Variants in PRIMPOL observed in about 807,000 individuals in gnomAD.
PRIMPOL encodes the protein DNA-directed primase/polymerase protein.
Under a neutral mutation model 63.6 loss-of-function variants are expected in PRIMPOL, and 54 were observed. The ratio of observed to expected loss-of-function variants is 0.85; its 90% CI spans 0.68 to 1.07. PRIMPOL has a LOEUF of 1.07. Among genes scored for constraint, PRIMPOL ranks in the 50% least tolerant of loss-of-function variants. The pLI is 0.00. For synonymous variants in PRIMPOL, 197 were observed against 220.2 expected (o/e 0.89, Z 0.93); for missense variants, 610 against 648.3 (o/e 0.94, Z 0.64).
At chr4:184,694,210 C>T in intron 13 of PRIMPOL, 4 of 1,069,972 alleles carry the variant, frequency 3.7e-6, no homozygotes, top group Non-Finnish European at 4.5e-6. Context: ...TTGTCTTCAG[C>T]TGGACTGTCC....
intron 8 of PRIMPOL, among the ~76,000 whole-genome samples, chr4:184,681,541 A>G (rs1755620736): frequency 6.6e-6 from 1 of 151,788 alleles, no homozygotes; most frequent in African/African-American, 2.4e-5. Context: ...TATTATTTTT[A>G]TTATTTTTAT....
At position 184,678,228 on chromosome 4, in the gene PRIMPOL, G is replaced by A. The variant is rs1475158475; in HGVS notation, c.845-4G>A. On this transcript the variant is annotated splice_polypyrimidine_tract_variant and splice_region_variant and intron_variant, in intron 7 of 13. Coordinates refer to ENST00000314970, the MANE Select transcript of PRIMPOL (RefSeq NM_152683.4). ...TCATATTGTTTTATCAATTTTTGAT[G>A]TAGGAGTTTATACAAGAAATAGAAA... 6.5e-7 allele frequency: 1 copy of A among 1,545,462 alleles called. No homozygotes were observed. The highest frequency in any genetic ancestry group is 1.4e-5 in the African/African-American group (1 of 71,780).
chr4:184,667,576 C>T (rs1351450350), intron 6 of PRIMPOL, among the ~76,000 whole-genome samples: 2 of 152,320 alleles, frequency 1.3e-5, no homozygotes, highest in South Asian at 2.1e-4. Context: ...TCCCAAAGTG[C>T]TGGGATTACA....
intron 2 of PRIMPOL, among the ~76,000 whole-genome samples, chr4:184,656,498 A>G (rs1443485766): frequency 6.6e-6 from 1 of 152,194 alleles, no homozygotes; most frequent in Non-Finnish European, 1.5e-5. Flanking sequence ...GAAGTATTAT[A>G]TAGAAAGAAA....
At chr4:184,672,813 A>AT (rs1752171480) in intron 7 of PRIMPOL, among the ~76,000 whole-genome samples, 1 of 152,188 alleles carries the variant, frequency 6.6e-6, no homozygotes. Context: ...CAGACTCGGT[A>AT]TAAAAGCAGT....
At chr4:184,671,930 C>CG (rs1278274905) in intron 6 of PRIMPOL, among the ~76,000 whole-genome samples, 1 of 151,584 alleles carries the variant, frequency 6.6e-6, no homozygotes, top group African/African-American at 2.4e-5. Flanking sequence ...TTAGTAGAGA[C>CG]GGGGTTTCAC....
At chr4:184,693,772 T>C (rs536702547) in intron 13 of PRIMPOL, among the ~76,000 whole-genome samples, 7 of 151,020 alleles carry the variant, frequency 4.6e-5, no homozygotes, top group South Asian at 2.1e-4. Flanking sequence ...TTGATGACTC[T>C]CTTAAACTGC....
Position 184,672,413 on chromosome 4 carries a change from T to C in PRIMPOL, c.797T>C (p.Leu266Pro). Residue 266 changes from leucine (L) to proline (P), a missense_variant, in exon 7 of 14, where the codon CTA (leucine) becomes CCA (proline). Coordinates refer to ENST00000314970, the MANE Select transcript of PRIMPOL (RefSeq NM_152683.4). ...AEQSSPDLSF[L>P]VVKNNMGEKH... The stretch of plus-strand genomic sequence containing the variant: ...CAAAGCAGTCCTGACCTTTCATTTC[T>C]AGTTGTGAAGAATAACATGGGAGAG... 1 of 1,612,586 alleles carries C rather than the reference T, an allele frequency of 6.2e-7. No individual in the cohort carries two copies.
chr4:184,683,323 TGAG>T (rs895969675), intron 9 of PRIMPOL, among the ~76,000 whole-genome samples: 3 of 151,214 alleles, frequency 2.0e-5, no homozygotes, highest in African/African-American at 7.3e-5. Flanking sequence ...CTCAGGAGAC[TGAG>T]GAGGAGAATC....
At position 184,681,198 on chromosome 4, in the gene PRIMPOL, C is replaced by T. The variant is rs1334259937; in HGVS notation, c.1008-1050C>T. 3.3e-5 allele frequency among the ~76,000 whole-genome samples: 5 copies of T among 152,120 alleles called. No individual in the cohort carries two copies. The South Asian group carries it at 8.3e-4, about 25-fold the overall frequency. On this transcript the variant is annotated intron_variant, in intron 8 of 13. Transcript: ENST00000314970. ...TGGTTATGAATGTACCTTTTCTTTC[C>T]GTTAATTTTAATCTGTTTTTCCCCT...
chr4:184,668,541 C>T (rs963085700), intron 6 of PRIMPOL, among the ~76,000 whole-genome samples: 1 of 151,872 alleles, frequency 6.6e-6, no homozygotes, highest in African/African-American at 2.4e-5. Context: ...CACATTTCCT[C>T]TAGTCCATGG....
At chr4:184,651,724 C>G (rs1192024789) in intron 1 of PRIMPOL, among the ~76,000 whole-genome samples, 1 of 152,194 alleles carries the variant, frequency 6.6e-6, no homozygotes, top group Non-Finnish European at 1.5e-5. Flanking sequence ...TCTCGGCTCA[C>G]TGCAACCTCC....
chr4:184,690,515 A>C (rs1034423373), intron 11 of PRIMPOL, among the ~76,000 whole-genome samples: 2 of 152,186 alleles, frequency 1.3e-5, no homozygotes, highest in African/African-American at 4.8e-5. Flanking sequence ...GCTGGAGAGC[A>C]GTGGCACCAG....
rs75900142 is a variant in PRIMPOL at position 184,658,536 on chromosome 4, C to T, written c.181-804C>T. Among the ~76,000 whole-genome samples, 1,194 of 152,236 alleles carry T rather than the reference C, an allele frequency of 7.8e-3. 17 individuals carry two copies. The highest frequency in any genetic ancestry group is 0.027 in the African/African-American group (1,108 of 41,540). ...AACAAAAGAACTTGTGGATGTATTC[C>T]TCTATTAGAAGAACCCTTATGGCAG... On this transcript the variant is annotated intron_variant, in intron 3 of 13. Transcript: ENST00000314970.
In PRIMPOL at chr4:184,694,921, C is replaced by A; in HGVS notation, c.*142C>A. 1 of 666,586 alleles carries A rather than the reference C, an allele frequency of 1.5e-6. No homozygotes were observed. Among genetic ancestry groups the A allele is most frequent in the Non-Finnish European group, 2.4e-6 (1 of 408,626 alleles). 41.3% of individuals were successfully genotyped at this position (666,586 alleles called of 1,614,324 possible). On this transcript the variant is annotated 3_prime_UTR_variant, in exon 14 of 14. Transcript: ENST00000314970. ...AATTTTTGTTTTTTACTTCTGTAAA[C>A]CAATTTCATTAAAAATTAGCTTTGG... is the stretch of plus-strand genomic sequence containing the variant.
rs180823035 is a variant in PRIMPOL at position 184,684,046 on chromosome 4, T to A, written c.1097-1363T>A. ...TGTATTTATAGACATTGATTTAGAG[T>A]CTGCCTCTCACATTTCCACATTAAT... On this transcript the variant is annotated intron_variant, in intron 9 of 13. Coordinates refer to ENST00000314970, the MANE Select transcript of PRIMPOL (RefSeq NM_152683.4). 2.6e-3 allele frequency among the ~76,000 whole-genome samples: 392 copies of A among 152,302 alleles called. 1 individual carries two copies. The highest frequency in any genetic ancestry group is 4.0e-3 in the Non-Finnish European group (270 of 68,038).
chr4:184,657,127 A>G lies in PRIMPOL; in HGVS notation c.-14A>G, dbSNP rs1471926614. ...ACGTGGGATAGGATTTATTCTCTCC[A>G]CACTTCTGAACCAATGAATAGAAAA... On this transcript the variant is annotated 5_prime_UTR_variant, in exon 3 of 14. Transcript: ENST00000314970. 2 of 1,572,500 alleles carry G rather than the reference A, an allele frequency of 1.3e-6. No individual in the cohort carries two copies. Among genetic ancestry groups the G allele is most frequent in the Non-Finnish European group, 1.7e-6 (2 of 1,160,178 alleles).
intron 9 of PRIMPOL, among the ~76,000 whole-genome samples, chr4:184,684,466 A>G (rs1756500957): frequency 6.6e-6 from 1 of 152,186 alleles, no homozygotes; most frequent in Non-Finnish European, 1.5e-5. Flanking sequence ...AAGAAAAAAA[A>G]AAAATTAAAT....
chr4:184,668,582 A>G (rs1243308168), intron 6 of PRIMPOL, among the ~76,000 whole-genome samples: 1 of 151,728 alleles, frequency 6.6e-6, no homozygotes, highest in African/African-American at 2.4e-5. Context: ...TGCTGTCTAA[A>G]CCGTTGTGCC....
Sources: gnomAD v4.1 joint callset for allele counts (sites outside exome capture counted in the v4.1 genomes callset) on GRCh38, gnomAD v4.1.1 for gene constraint, MANE v1.5 for transcripts, NCBI Gene and HGNC (gene_info 2026-07-23, HGNC 2026-07-21) for gene names.